Variants in BCR observed in about 807,000 individuals in gnomAD.
BCR encodes BCR activator of RhoGEF and GTPase, also known as breakpoint cluster region protein.
Under a neutral mutation model 138.6 loss-of-function variants are expected in BCR, and 58 were observed. The ratio of observed to expected loss-of-function variants is 0.42; its 90% CI spans 0.34 to 0.52. The LOEUF is 0.52. Ranked by LOEUF, BCR falls within the 20% of genes least tolerant of loss-of-function variation. The pLI is 0.06. For missense variants in BCR, 1,599 were observed against 1,727.2 expected, an observed-to-expected ratio of 0.93 and a Z score of 1.32; for synonymous variants, 786 against 730.1, an observed-to-expected ratio of 1.08 and a Z score of -1.23.
intron 8 of BCR, among the ~76,000 whole-genome samples, chr22:23,281,381 G>A (rs2073642663): frequency 6.6e-6 from 1 of 152,238 alleles, no homozygotes; most frequent in South Asian, 2.1e-4. Flanking sequence ...CTTGCCGTGT[G>A]CCCTGGAGGA....
chr22:23,285,937 G>A (rs908225856), intron 10 of BCR, among the ~76,000 whole-genome samples: 1 of 152,240 alleles, frequency 6.6e-6, no homozygotes, highest in African/African-American at 2.4e-5. Flanking sequence ...AGTCAGCCGG[G>A]CGGGAGAGAG....
chr22:23,190,982 G>C, intron 1 of BCR, among the ~76,000 whole-genome samples: 1 of 151,880 alleles, frequency 6.6e-6, no homozygotes, highest in East Asian at 1.9e-4. Flanking sequence ...GCCCAGGCTG[G>C]AGTATAGTGG....
chr22:23,268,826 T>G (rs1027994683), intron 5 of BCR, among the ~76,000 whole-genome samples: 2 of 152,212 alleles, frequency 1.3e-5, no homozygotes, highest in African/African-American at 2.4e-5. Context: ...TGAGCAGCTC[T>G]CTCCACAAGA....
chr22:23,274,694 G>A (rs1006258414), intron 8 of BCR, among the ~76,000 whole-genome samples: 1 of 152,062 alleles, frequency 6.6e-6, no homozygotes, highest in Non-Finnish European at 1.5e-5. Flanking sequence ...TGGATCAGGA[G>A]GTCAAGAATT....
chr22:23,269,256 C>T lies in BCR; in HGVS notation c.1860+741C>T, dbSNP rs143267704. On this transcript the variant is annotated intron_variant, in intron 5 of 22. Transcript: ENST00000305877. ...GGGGTTCTTTCTGCCCTTCTCCAGC[C>T]TGTGTCTGCCTGGTGGTCACTCTGC... 2.3e-3 allele frequency among the ~76,000 whole-genome samples: 350 copies of T among 152,358 alleles called. 1 individual carries two copies. The highest frequency in any genetic ancestry group is 6.9e-3 in the African/African-American group (285 of 41,590).
rs567786613 is a variant in BCR at position 23,288,644 on chromosome 22, G to A, written c.2602+472G>A. On this transcript the variant is annotated intron_variant, in intron 12 of 22. Coordinates refer to ENST00000305877, the MANE Select transcript of BCR (RefSeq NM_004327.4). ...GCCCCAGCAGGTGCTGATGCTAAAG[G>A]GGCCTTTGGCTGGGCCCACTTGGGC... Among the ~76,000 whole-genome samples, 4 of 152,172 alleles carry A rather than the reference G, an allele frequency of 2.6e-5. No homozygotes were observed. In the South Asian group the frequency reaches 8.3e-4, roughly 32 times the overall value.
At chr22:23,290,280 T>G (rs1028886031) in intron 13 of BCR, 59 bp from the exon 14 acceptor site, 29 of 1,531,758 alleles carry the variant, frequency 1.9e-5, no homozygotes, top group Non-Finnish European at 2.6e-5. Flanking sequence ...AGAGTTAGCT[T>G]GTCACCTGCC....
Position 23,181,582 on chromosome 22 carries a change from A to G in BCR, c.622A>G (p.Met208Val). The G allele has an allele frequency of 1.9e-6, 3 of 1,612,866 alleles. No homozygotes were observed. Among genetic ancestry groups the G allele is most frequent in the Non-Finnish European group, 2.5e-6 (3 of 1,179,980 alleles). ...DRISSLGSQAMQMERKKSQHG... is the reference protein window; with the variant it reads ...DRISSLGSQAVQMERKKSQHG... The stretch of plus-strand genomic sequence containing the variant: ...CATCAGCTCCCTGGGCAGCCAGGCC[A>G]TGCAGATGGAGCGCAAAAAGTCCCA... Residue 208 changes from methionine to valine, a missense_variant, in exon 1 of 23, where the codon ATG becomes GTG. By Grantham distance (21) the Met-to-Val change is conservative. This residue lies in a region of BCR where 806 missense variants were observed against 635.0 expected (regional missense o/e 1.27). Transcript: ENST00000305877.
chr22:23,200,696 C>T lies in BCR; in HGVS notation c.1279+18457C>T, dbSNP rs549995356. Among the ~76,000 whole-genome samples the T allele has an allele frequency of 4.3e-4, 66 of 152,206 alleles. 1 individual carries two copies. The highest frequency in any genetic ancestry group is 7.5e-4 in the African/African-American group (31 of 41,530). On this transcript the variant is annotated intron_variant, in intron 1 of 22. Transcript: ENST00000305877. ...ACCTCAGCCTTCTGAGTAGCTGGGA[C>T]GGCAGGCACATGCCACCATGCCCAG... is the stretch of plus-strand genomic sequence containing the variant.
At chr22:23,205,565 G>A (rs952025248) in intron 1 of BCR, among the ~76,000 whole-genome samples, 7 of 151,984 alleles carry the variant, frequency 4.6e-5, no homozygotes, top group African/African-American at 9.7e-5. Flanking sequence ...GTTGCTGCTC[G>A]CCAAGGGGAT....
At chr22:23,243,393 G>A (rs774007328) in intron 1 of BCR, among the ~76,000 whole-genome samples, 1 of 152,112 alleles carries the variant, frequency 6.6e-6, no homozygotes, top group African/African-American at 2.4e-5. Context: ...GATCATCAGT[G>A]GCCAATGATT....
In BCR at chr22:23,209,820, G is replaced by A. The variant is rs188170942; in HGVS notation, c.1279+27581G>A. Among the ~76,000 whole-genome samples the A allele has an allele frequency of 3.3e-5, 5 of 152,194 alleles. No individual in the cohort carries two copies. The East Asian group carries it at 9.7e-4, about 30-fold the overall frequency. ...CTATTTTTTAATTTTTTTAGAGATG[G>A]GGTCTTGCTGTGTTGCCCAGGCTGG... On this transcript the variant is annotated intron_variant, in intron 1 of 22. Coordinates refer to ENST00000305877, the MANE Select transcript of BCR (RefSeq NM_004327.4).
At chr22:23,273,909 C>G in intron 8 of BCR, 135 bp downstream of exon 8, 1 of 1,268,224 alleles carries the variant, frequency 7.9e-7, no homozygotes, top group Non-Finnish European at 1.1e-6. Flanking sequence ...AGATTGGCCG[C>G]ACACTCAGTC....
At chr22:23,206,310 C>G (rs137999064) in intron 1 of BCR, among the ~76,000 whole-genome samples, 3 of 152,300 alleles carry the variant, frequency 2.0e-5, no homozygotes, top group African/African-American at 7.2e-5. Flanking sequence ...GGCGGTGGCT[C>G]ACGCCTGTAA....
chr22:23,266,472 C>G (rs1375467334), intron 4 of BCR, among the ~76,000 whole-genome samples: 4 of 152,176 alleles, frequency 2.6e-5, no homozygotes, highest in African/African-American at 9.7e-5. Context: ...TCCTTGCAAC[C>G]TCTGCCTCCC....
At chr22:23,227,435 A>C (rs2072907827) in intron 1 of BCR, among the ~76,000 whole-genome samples, 2 of 152,250 alleles carry the variant, frequency 1.3e-5, no homozygotes, top group African/African-American at 4.8e-5. Context: ...TGGGGGAATT[A>C]GCTGGAATTG....
chr22:23,221,727 T>C (rs1372932239), intron 1 of BCR, among the ~76,000 whole-genome samples: 1 of 152,200 alleles, frequency 6.6e-6, no homozygotes, highest in Non-Finnish European at 1.5e-5. Context: ...CCAGGCTCAC[T>C]AGAGTTTCTG....
chr22:23,273,051 A>G (rs2073527700), intron 6 of BCR, 30 bp from the exon 7 acceptor site: 1 of 1,607,956 alleles, frequency 6.2e-7, no homozygotes, highest in East Asian at 2.2e-5. Context: ...TCCATGTGCA[A>G]CCTCTCTCAC....
At chr22:23,311,898 TCA>T (rs2074012064) in intron 19 of BCR, 62 bp downstream of exon 19, 1 of 1,591,006 alleles carries the variant, frequency 6.3e-7, no homozygotes, top group Admixed American at 1.7e-5. Context: ...CGATGAGATC[TCA>T]GAGTGCTCCA....
Sources: gnomAD v4.1 joint callset for allele counts (sites outside exome capture counted in the v4.1 genomes callset) on GRCh38, gnomAD v4.1.1 for gene constraint, gnomAD v4.1.1 regional missense constraint, MANE v1.5 for transcripts, NCBI Gene and HGNC (gene_info 2026-07-23, HGNC 2026-07-21) for gene names.